The following CNTNAP2 variants were observed in gnomAD, a reference collection of about 807,000 sequenced individuals.
The protein encoded by CNTNAP2 is contactin associated protein 2.
A neutral mutation model predicts 155.2 loss-of-function variants in CNTNAP2; 98 were observed. That is an observed-to-expected ratio of 0.63 (90% CI 0.54 to 0.75). The LOEUF is 0.75. Ranked by LOEUF, CNTNAP2 falls within the 30% of genes least tolerant of loss-of-function variation. The probability of loss-of-function intolerance (pLI) is 0.00; values close to 1 mark genes in which losing one functional copy is unlikely to be tolerated. For synonymous variants in CNTNAP2, 651 were observed against 631.2 expected (o/e 1.03, Z -0.47); for missense variants, 1,727 against 1,688.1 (o/e 1.02, Z -0.40).
chr7:147,629,065 G>A (rs979479860), intron 12 of CNTNAP2, among the ~76,000 whole-genome samples: 4 of 151,972 alleles, frequency 2.6e-5, no homozygotes, highest in Non-Finnish European at 5.9e-5. Flanking sequence ...ATACTCCTCT[G>A]ACAGCACTAG....
chr7:147,699,628 T>C (rs186500205), intron 13 of CNTNAP2, among the ~76,000 whole-genome samples: 1 of 152,294 alleles, frequency 6.6e-6, no homozygotes, highest in East Asian at 1.9e-4. Context: ...ATGGCTTTAA[T>C]ATTACAGAAA....
intron 1 of CNTNAP2, among the ~76,000 whole-genome samples, chr7:146,181,619 T>G (rs1003806456): frequency 8.5e-5 from 13 of 152,152 alleles, no homozygotes; most frequent in Non-Finnish European, 1.8e-4. Context: ...AAGACTTCAC[T>G]TTTTTACTGC....
At chr7:146,400,433 G>A (rs2129108206) in intron 1 of CNTNAP2, among the ~76,000 whole-genome samples, 1 of 152,252 alleles carries the variant, frequency 6.6e-6, no homozygotes, top group Admixed American at 6.5e-5. Context: ...AAGAAAGCAT[G>A]GATAGTCATC....
At chr7:148,315,509 C>T (rs902059082) in intron 21 of CNTNAP2, among the ~76,000 whole-genome samples, 3 of 152,088 alleles carry the variant, frequency 2.0e-5, no homozygotes, top group African/African-American at 4.8e-5. Flanking sequence ...GCCATTTTCA[C>T]TTCTTTTGTA....
intron 2 of CNTNAP2, among the ~76,000 whole-genome samples, chr7:146,820,827 C>A (rs200456297): frequency 2.0e-5 from 3 of 152,126 alleles, no homozygotes; most frequent in Non-Finnish European, 2.9e-5. Context: ...CTAAGGACTT[C>A]CTTTATGAAT....
chr7:146,251,998 A>C (rs1799763103), intron 1 of CNTNAP2, among the ~76,000 whole-genome samples: 1 of 152,238 alleles, frequency 6.6e-6, no homozygotes, highest in African/African-American at 2.4e-5. Flanking sequence ...CTGCCGGGTG[A>C]GTTTGGGTTG....
chr7:147,698,662 G>T (rs1796194508), intron 13 of CNTNAP2, among the ~76,000 whole-genome samples: 1 of 152,124 alleles, frequency 6.6e-6, no homozygotes, highest in Non-Finnish European at 1.5e-5. Context: ...CCAGGCTCAA[G>T]TGATTTCCCC....
intron 1 of CNTNAP2, among the ~76,000 whole-genome samples, chr7:146,573,817 GT>G (rs1464797940): frequency 1.3e-5 from 2 of 152,106 alleles, no homozygotes; most frequent in African/African-American, 2.4e-5. Flanking sequence ...CTAAGTAAGT[GT>G]TTGTCAATTA....
At chr7:147,842,269 T>C (rs1379438428) in intron 13 of CNTNAP2, among the ~76,000 whole-genome samples, 1 of 152,238 alleles carries the variant, frequency 6.6e-6, no homozygotes, top group Non-Finnish European at 1.5e-5. Context: ...ATCTCCAAAC[T>C]TCGTGAGAGA....
chr7:146,138,858 T>C (rs1451788929), intron 1 of CNTNAP2, among the ~76,000 whole-genome samples: 3 of 151,146 alleles, frequency 2.0e-5, no homozygotes, highest in African/African-American at 7.4e-5. Context: ...CCAACCACAG[T>C]GTAAAAATAA....
intron 13 of CNTNAP2, among the ~76,000 whole-genome samples, chr7:147,772,308 T>A (rs1797482338): frequency 6.7e-6 from 1 of 149,732 alleles, no homozygotes; most frequent in Admixed American, 6.7e-5. Context: ...TCCCAGCTAC[T>A]CGGGAGGCTG....
At chr7:147,091,991 C>T (rs542193877) in intron 4 of CNTNAP2, among the ~76,000 whole-genome samples, 61 of 151,978 alleles carry the variant, frequency 4.0e-4, no homozygotes, top group South Asian at 1.9e-3. Context: ...TGCCCACCTC[C>T]ACCTCCCAAA....
At position 146,736,157 on chromosome 7, in the gene CNTNAP2, AGGGAGGATGT is replaced by A. The variant is rs1801616588; in HGVS notation, c.98-38111_98-38102del. Among the ~76,000 whole-genome samples, 6 of 152,256 alleles carry A rather than the reference AGGGAGGATGT, an allele frequency of 3.9e-5. No homozygotes were observed. The South Asian group carries it at 1.2e-3, about 32-fold the overall frequency. ...TAATCTGGAAATGGTTTATAGTATGAGGGAGGATGTGGATAGGTTATATGCAAACACTGGG... is the reference window on the plus strand; with the variant it reads ...TAATCTGGAAATGGTTTATAGTATGAGGATAGGTTATATGCAAACACTGGG... On this transcript the variant is annotated intron_variant, in intron 1 of 23. Coordinates refer to ENST00000361727, the MANE Select transcript of CNTNAP2 (RefSeq NM_014141.6).
intron 4 of CNTNAP2, among the ~76,000 whole-genome samples, chr7:147,052,815 T>C (rs186370134): frequency 6.6e-6 from 1 of 152,032 alleles, no homozygotes; most frequent in Non-Finnish European, 1.5e-5. Context: ...AAACTGATAA[T>C]TAATGAGGTA....
At chr7:148,025,629 A>T (rs564296319) in intron 15 of CNTNAP2, among the ~76,000 whole-genome samples, 2 of 152,170 alleles carry the variant, frequency 1.3e-5, no homozygotes, top group Non-Finnish European at 2.9e-5. Context: ...TACTCAAAAC[A>T]ATCTATGGTC....
At position 147,655,555 on chromosome 7, in the gene CNTNAP2, T is replaced by G. The variant is rs1041747454; in HGVS notation, c.2098+16249T>G. 6.7e-4 allele frequency among the ~76,000 whole-genome samples: 102 copies of G among 152,352 alleles called. 4 individuals are homozygous for G. Among genetic ancestry groups the G allele is most frequent in the Middle Eastern group, 3.4e-3 (1 of 294 alleles). On this transcript the variant is annotated intron_variant, in intron 13 of 23. Coordinates refer to ENST00000361727, the MANE Select transcript of CNTNAP2 (RefSeq NM_014141.6). ...CCATGAGGGCTCTTGCCTAACCAGG[T>G]GCATTGTCAATGAGCAGTAATATTT...
chr7:146,915,261 G>C (rs56900390), intron 3 of CNTNAP2, among the ~76,000 whole-genome samples: 7,063 of 152,044 alleles, frequency 0.046, 528 homozygotes, highest in African/African-American at 0.16. Context: ...CTCTAGATTT[G>C]TTATTTTCAC....
chr7:147,731,334 A>T (rs1346823659), intron 13 of CNTNAP2, among the ~76,000 whole-genome samples: 35 of 152,100 alleles, frequency 2.3e-4, no homozygotes, highest in Admixed American at 2.3e-3. Context: ...GTTGAAGCCA[A>T]TATTCACTTA....
Position 146,388,124 on chromosome 7 carries a change from A to AT in CNTNAP2, c.97+271157dup, listed in dbSNP as rs536921852. 6.2e-3 allele frequency among the ~76,000 whole-genome samples: 882 copies of AT among 141,498 alleles called. 9 individuals carry two copies. The highest frequency in any genetic ancestry group is 0.022 in the African/African-American group (847 of 38,290). 92.8% of individuals were successfully genotyped at this position (141,498 alleles called of 152,430 possible). On this transcript the variant is annotated intron_variant, in intron 1 of 23. Transcript: ENST00000361727. ...TTTTAATTTTTAACATTTATTTTAT[A>AT]TTTTTTCTTCTCGGGAATGCTTTTG...
Sources: allele counts gnomAD v4.1 joint callset (sites outside exome capture counted in the v4.1 genomes callset), GRCh38; gene constraint gnomAD v4.1.1; transcripts MANE v1.5; gene names NCBI Gene and HGNC (gene_info 2026-07-23, HGNC 2026-07-21).